Variants in KLHL14 observed in about 807,000 individuals in gnomAD.
KLHL14 encodes the protein kelch like family member 14, also known as kelch-like protein 14.
A neutral mutation model predicts 64.3 loss-of-function variants in KLHL14; 22 were observed. The observed-to-expected ratio is 0.34, with a 90% CI of 0.24 to 0.49. The LOEUF is 0.49. KLHL14 is among the 20% of genes least tolerant of loss of function. KLHL14 has a pLI of 0.99. For missense variants in KLHL14, 661 were observed against 789.0 expected (o/e 0.84, Z 1.94); for synonymous variants, 322 against 333.4 (o/e 0.97, Z 0.37).
chr18:32,769,573 G>GGCCCCCCCCCCCC, intron 2 of KLHL14, 72 bp downstream of exon 2: 2 of 356,304 alleles, frequency 5.6e-6, no homozygotes. Context: ...CCTCCTCCCT[G>GGCCCCCCCCCCCC]CCCCCTCCCC....
chr18:32,693,585 T>C (rs2049922648), intron 4 of KLHL14, among the ~76,000 whole-genome samples: 1 of 152,198 alleles, frequency 6.6e-6, no homozygotes, highest in African/African-American at 2.4e-5. Context: ...TTAGCATTAA[T>C]AATACTTTTC....
In KLHL14 at chr18:32,770,553, G is replaced by A; in HGVS notation, c.39C>T (p.Pro13=). The A allele has an allele frequency of 6.3e-7, 1 of 1,598,496 alleles. No individual in the cohort carries two copies. Among genetic ancestry groups the A allele is most frequent in the Non-Finnish European group, 8.5e-7 (1 of 1,176,178 alleles). ...RSGDRTSTFD[P]SHSDNLLHGL... ...CGTGCAGCAGGTTGTCGCTGTGGCT[G>A]GGGTCGAAGGTGGAGGTCCTGTCCC... is the stretch of plus-strand genomic sequence containing the variant. Residue 13 remains proline, a synonymous_variant, in exon 2 of 9, where the codon CCC becomes CCT. Transcript: ENST00000359358. The surrounding 1 kb of genome is among the most constrained non-coding windows in gnomAD (Gnocchi z 6.7).
At chr18:32,769,590 C>CCGGCCCCCTTG in intron 2 of KLHL14, 55 bp downstream of exon 2, 1 of 843,112 alleles carries the variant, frequency 1.2e-6, no homozygotes, top group Non-Finnish European at 1.6e-6. Flanking sequence ...CCCCTCCCTC[C>CCGGCCCCCTTG]GGCCTCTCTG....
chr18:32,706,977 A>G (rs59546539), intron 3 of KLHL14, among the ~76,000 whole-genome samples: 1 of 152,086 alleles, frequency 6.6e-6, no homozygotes, highest in Non-Finnish European at 1.5e-5. Context: ...TGGTGGGGCA[A>G]TGGTACCTGG....
At chr18:32,741,392 T>C (rs941926850) in intron 3 of KLHL14, among the ~76,000 whole-genome samples, 1 of 152,342 alleles carries the variant, frequency 6.6e-6, no homozygotes, top group East Asian at 1.9e-4. Flanking sequence ...CACAATTTCA[T>C]GCAGCTGGAA....
chr18:32,694,755 A>G (rs1259508558), intron 4 of KLHL14, among the ~76,000 whole-genome samples: 3 of 152,200 alleles, frequency 2.0e-5, no homozygotes, highest in Non-Finnish European at 4.4e-5. Context: ...CTCAGTCACA[A>G]TTATCTCTGT....
At chr18:32,725,471 G>C (rs2050103686) in intron 3 of KLHL14, among the ~76,000 whole-genome samples, 1 of 152,192 alleles carries the variant, frequency 6.6e-6, no homozygotes, top group South Asian at 2.1e-4. Flanking sequence ...ACATATCTTT[G>C]AAAGGCTGTT....
At chr18:32,721,639 A>G (rs1273793588) in intron 3 of KLHL14, among the ~76,000 whole-genome samples, 1 of 152,158 alleles carries the variant, frequency 6.6e-6, no homozygotes, top group African/African-American at 2.4e-5. Context: ...TGGATAATTA[A>G]TCAAACTCTT....
At chr18:32,769,025 A>G (rs2050362046) in intron 2 of KLHL14, among the ~76,000 whole-genome samples, 1 of 152,208 alleles carries the variant, frequency 6.6e-6, no homozygotes, top group South Asian at 2.1e-4. Context: ...ACAACATAGA[A>G]AAGTTTGCCT....
chr18:32,678,953 A>G (rs1193629190), intron 7 of KLHL14, among the ~76,000 whole-genome samples: 1 of 152,204 alleles, frequency 6.6e-6, no homozygotes, highest in Admixed American at 6.5e-5. Context: ...AAATGCAAAG[A>G]AATCACATTT....
chr18:32,720,998 G>A (rs1013902096), intron 3 of KLHL14, among the ~76,000 whole-genome samples: 4 of 152,124 alleles, frequency 2.6e-5, no homozygotes, highest in African/African-American at 9.7e-5. Flanking sequence ...CTTCACGTTG[G>A]TTTCATCAAA....
chr18:32,705,421 T>A (rs1568069637), intron 3 of KLHL14, among the ~76,000 whole-genome samples: 1 of 152,186 alleles, frequency 6.6e-6, no homozygotes, highest in African/African-American at 2.4e-5. Context: ...AAAATAAAAT[T>A]TTTTAAAAGA....
intron 3 of KLHL14, among the ~76,000 whole-genome samples, chr18:32,720,370 G>A (rs772098599): frequency 1.2e-4 from 19 of 152,186 alleles, no homozygotes; most frequent in Non-Finnish European, 8.8e-5. Context: ...GGGGTTGGAG[G>A]AGAAAGAGGG....
chr18:32,678,996 A>T (rs749173151), intron 7 of KLHL14, among the ~76,000 whole-genome samples: 1 of 152,208 alleles, frequency 6.6e-6, no homozygotes, highest in Non-Finnish European at 1.5e-5. Context: ...AATACAAAAC[A>T]TGTCGACGTA....
intron 3 of KLHL14, among the ~76,000 whole-genome samples, chr18:32,719,148 A>G (rs1359130056): frequency 3.3e-5 from 5 of 152,172 alleles, no homozygotes; most frequent in Non-Finnish European, 7.3e-5. Context: ...GGGTTTCTCC[A>G]TGTTGGTCAG....
chr18:32,725,315 C>A (rs117840441), intron 3 of KLHL14, among the ~76,000 whole-genome samples: 1,766 of 152,262 alleles, frequency 0.012, 21 homozygotes, highest in Admixed American at 0.018. Context: ...CAGGTGTAAG[C>A]CACCACACCT....
At chr18:32,742,112 C>G in intron 2 of KLHL14, 63 bp from the exon 3 acceptor site, 1 of 1,509,084 alleles carries the variant, frequency 6.6e-7, no homozygotes, top group Non-Finnish European at 9.0e-7. Context: ...TTAGTGGCAA[C>G]GAAATCATAA....
chr18:32,703,720 A>G (rs1462824160), intron 3 of KLHL14, among the ~76,000 whole-genome samples: 1 of 152,180 alleles, frequency 6.6e-6, no homozygotes, highest in Non-Finnish European at 1.5e-5. Context: ...TCTTATTTTT[A>G]TCTTAGTTCA....
chr18:32,687,175 T>C lies in KLHL14; in HGVS notation c.1218A>G (p.Gln406=). 1 of 1,613,960 alleles carries C rather than the reference T, an allele frequency of 6.2e-7. No individual in the cohort carries two copies. ...RYDPRFNSWI[Q]LPPMQERRAS... is the part of the protein sequence containing the mutation. The stretch of plus-strand genomic sequence containing the variant: ...CTTACCTTTCCTGCATGGGTGGAAG[T>C]TGAATCCAGCTATTAAATCGAGGAT... Residue 406 remains glutamine (Q), a synonymous_variant, in exon 5 of 9, where the codon CAA becomes CAG. Transcript: ENST00000359358.
Sources: gnomAD v4.1 joint callset for allele counts (sites outside exome capture counted in the v4.1 genomes callset) on GRCh38, gnomAD v4.1.1 for gene constraint, Gnocchi (gnomAD v3.1) non-coding constraint, MANE v1.5 for transcripts, NCBI Gene and HGNC (gene_info 2026-07-23, HGNC 2026-07-21) for gene names.